PRUNE2: variants seen among roughly 807,000 people sequenced by gnomAD.
The protein encoded by PRUNE2 is protein prune homolog 2.
Under a neutral mutation model 252.0 loss-of-function variants are expected in PRUNE2, and 164 were observed. That is an observed-to-expected ratio of 0.65 (90% CI 0.57 to 0.74). PRUNE2 has a LOEUF of 0.74. Among genes scored for constraint, PRUNE2 ranks in the 30% least tolerant of loss-of-function variants. PRUNE2 has a pLI of 0.00. For missense variants in PRUNE2, 3,495 were observed against 3,711.0 expected (o/e 0.94, Z 1.51); for synonymous variants, 1,292 against 1,350.2 (o/e 0.96, Z 0.94).
At chr9:76,796,086 A>C (rs2056071060) in intron 6 of PRUNE2, among the ~76,000 whole-genome samples, 1 of 152,242 alleles carries the variant, frequency 6.6e-6, no homozygotes, top group African/African-American at 2.4e-5. Flanking sequence ...TTTGTGTATA[A>C]TTTGGGTAAA....
Position 76,709,038 on chromosome 9 carries a change from TA to T in PRUNE2, c.3235del (p.Tyr1079ThrfsTer6). The T allele has an allele frequency of 6.2e-7, 1 of 1,614,032 alleles. No homozygotes were observed. Among genetic ancestry groups the T allele is most frequent in the Non-Finnish European group, 8.5e-7 (1 of 1,179,894 alleles). ...DDVGESSQSSYDDPSMMQLYN... is the reference protein window; with the variant it reads ...DDVGESSQSSXDDPSMMQLYN... ...CAGTTGCATCATGCTGGGGTCGTCG[TA>T]ACTGGACTGGCTGCTTTCCCCGACG... On this transcript the variant is annotated frameshift_variant, in exon 8 of 19. Coordinates refer to ENST00000376718, the MANE Select transcript of PRUNE2 (RefSeq NM_015225.3). LOFTEE classifies it high-confidence loss of function.
chr9:76,739,775 G>A (rs1318521216), intron 6 of PRUNE2: 1 of 152,128 alleles, frequency 6.6e-6, no homozygotes, highest in African/African-American at 2.4e-5. Context: ...TACAGACCTG[G>A]ATTAATTCTC....
chr9:76,737,196 T>C (rs1013139432), intron 6 of PRUNE2: 1 of 152,210 alleles, frequency 6.6e-6, no homozygotes, highest in Non-Finnish European at 1.5e-5. Context: ...CTCTTCCTTA[T>C]TTACAGGTTA....
chr9:76,838,245 A>G (rs200820929), intron 4 of PRUNE2, among the ~76,000 whole-genome samples: 1 of 151,220 alleles, frequency 6.6e-6, no homozygotes, highest in Non-Finnish European at 1.5e-5. Context: ...AACATAATAA[A>G]ATAGATAGAT....
chr9:76,901,647 A>C (rs868295891), intron 1 of PRUNE2, among the ~76,000 whole-genome samples: 2 of 152,182 alleles, frequency 1.3e-5, no homozygotes, highest in Middle Eastern at 3.2e-3. Context: ...ATCTCCTGTA[A>C]TCACTCTAAT....
rs143234274 is a variant in PRUNE2 at position 76,809,922 on chromosome 9, G to A, written c.756+13710C>T. On this transcript the variant is annotated intron_variant, in intron 6 of 18. Coordinates refer to ENST00000376718, the MANE Select transcript of PRUNE2 (RefSeq NM_015225.3). ...CTGGTGTCCCAAGGACACATCAACT[G>A]GTCAGATTGGCTGTAGACTGAGCTG... 2.6e-4 allele frequency among the ~76,000 whole-genome samples: 40 copies of A among 152,288 alleles called. No homozygotes were observed. In the East Asian group the frequency reaches 6.2e-3, roughly 23 times the overall value.
intron 12 of PRUNE2, chr9:76,641,899 A>C: frequency 6.6e-7 from 1 of 1,504,690 alleles, no homozygotes; most frequent in Non-Finnish European, 8.8e-7. Flanking sequence ...ATACACACAC[A>C]CACACCAGCC....
intron 1 of PRUNE2, among the ~76,000 whole-genome samples, chr9:76,891,742 A>G (rs2062485234): frequency 6.6e-6 from 1 of 152,212 alleles, no homozygotes; most frequent in African/African-American, 2.4e-5. Context: ...GAAAACACAG[A>G]TCAATTTTTC....
chr9:76,661,985 TATCA>T (rs1304351978), intron 9 of PRUNE2, among the ~76,000 whole-genome samples: 1 of 152,110 alleles, frequency 6.6e-6, no homozygotes, highest in Non-Finnish European at 1.5e-5. Flanking sequence ...TACCTCTAGT[TATCA>T]ATCACAAAAA....
intron 6 of PRUNE2, among the ~76,000 whole-genome samples, chr9:76,777,383 A>C (rs904176143): frequency 6.6e-6 from 1 of 152,180 alleles, no homozygotes; most frequent in Non-Finnish European, 1.5e-5. Flanking sequence ...AAGCAGGAGC[A>C]CTGGCCAGCC....
intron 4 of PRUNE2, among the ~76,000 whole-genome samples, chr9:76,845,769 A>G (rs995793925): frequency 2.6e-5 from 4 of 152,110 alleles, no homozygotes; most frequent in Admixed American, 1.3e-4. Flanking sequence ...TTCAAAATGG[A>G]TTGGTGGTGC....
At chr9:76,762,311 G>A (rs2051809900) in intron 6 of PRUNE2, among the ~76,000 whole-genome samples, 2 of 152,154 alleles carry the variant, frequency 1.3e-5, no homozygotes, top group South Asian at 4.1e-4. Context: ...ATCAAAAAGT[G>A]TGTTAACATA....
At chr9:76,647,241 T>C (rs1190467936) in intron 11 of PRUNE2, among the ~76,000 whole-genome samples, 1 of 152,228 alleles carries the variant, frequency 6.6e-6, no homozygotes, top group Non-Finnish European at 1.5e-5. Context: ...CACATAAATA[T>C]AGTCAACTGA....
At position 76,858,968 on chromosome 9, in the gene PRUNE2, G is replaced by C. The variant is rs189274364; in HGVS notation, c.37-4760C>G. Among the ~76,000 whole-genome samples, 393 of 152,140 alleles carry C rather than the reference G, an allele frequency of 2.6e-3. 1 individual carries two copies. The highest frequency in any genetic ancestry group is 0.025 in the South Asian group (120 of 4,812). On this transcript the variant is annotated intron_variant, in intron 1 of 18. Transcript: ENST00000376718. ...ACTCTGTAAACTCCTAGGTTGGAGG[G>C]ACCCAGTCTGCTGAGTAAATATCCA...
At chr9:76,724,074 C>T (rs1047292228) in intron 6 of PRUNE2, among the ~76,000 whole-genome samples, 3 of 150,632 alleles carry the variant, frequency 2.0e-5, no homozygotes, top group East Asian at 4.0e-4. Context: ...GGATTACAGG[C>T]GTGAGCCACC....
chr9:76,746,502 G>C (rs1018284802), intron 6 of PRUNE2, among the ~76,000 whole-genome samples: 1 of 151,296 alleles, frequency 6.6e-6, no homozygotes, highest in Non-Finnish European at 1.5e-5. Flanking sequence ...TCAGGAGATC[G>C]AGACCATCCT....
At chr9:76,858,696 G>A (rs562445367) in intron 1 of PRUNE2, among the ~76,000 whole-genome samples, 7 of 150,838 alleles carry the variant, frequency 4.6e-5, no homozygotes, top group African/African-American at 7.3e-5. Context: ...ACCATGGCAC[G>A]TGTATACCTA....
intron 7 of PRUNE2, 48 bp from the exon 8 acceptor site, chr9:76,711,406 C>T (rs1454759131): frequency 3.1e-6 from 4 of 1,277,584 alleles, no homozygotes; most frequent in African/African-American, 1.5e-5. Context: ...CACTGTTGCA[C>T]TTTGCAATTG....
intron 6 of PRUNE2, chr9:76,783,880 G>A (rs1442808191): frequency 6.6e-6 from 1 of 152,184 alleles, no homozygotes; most frequent in Middle Eastern, 3.1e-3. Flanking sequence ...ACAAAAGGAA[G>A]CACAGAGGTA....
Sources: allele counts gnomAD v4.1 joint callset (sites outside exome capture counted in the v4.1 genomes callset), GRCh38; gene constraint gnomAD v4.1.1; transcripts MANE v1.5; gene names NCBI Gene and HGNC (gene_info 2026-07-23, HGNC 2026-07-21).